APBB2: variants seen among roughly 807,000 people sequenced by gnomAD.
The protein encoded by APBB2 is amyloid beta precursor protein binding family B member 2.
A neutral mutation model predicts 82.5 loss-of-function variants in APBB2; 38 were observed. That is an observed-to-expected ratio of 0.46 (90% CI 0.36 to 0.60). APBB2 has a LOEUF of 0.60. Ranked by LOEUF, APBB2 falls within the 20% of genes least tolerant of loss-of-function variation. The pLI is 0.00. For missense variants in APBB2, 772 were observed against 972.3 expected, an observed-to-expected ratio of 0.79 and a Z score of 2.74; for synonymous variants, 341 against 368.2, an observed-to-expected ratio of 0.93 and a Z score of 0.85.
intron 1 of APBB2, among the ~76,000 whole-genome samples, chr4:41,193,280 A>G (rs866283404): frequency 6.6e-6 from 1 of 152,202 alleles, no homozygotes; most frequent in Non-Finnish European, 1.5e-5. Context: ...AAAAAGAACA[A>G]ATGTAACTGG....
chr4:41,124,406 G>C (rs1027216743), intron 2 of APBB2, among the ~76,000 whole-genome samples: 6 of 152,056 alleles, frequency 3.9e-5, no homozygotes, highest in Admixed American at 3.3e-4. Context: ...TTTTAGTAGA[G>C]ACCGTGTTAG....
chr4:40,977,785 T>G (rs890187543), intron 6 of APBB2, among the ~76,000 whole-genome samples: 3 of 152,166 alleles, frequency 2.0e-5, no homozygotes, highest in African/African-American at 7.2e-5. Context: ...GTGACAGATA[T>G]AAAAATGATC....
chr4:41,075,315 C>G (rs560065457), intron 3 of APBB2, among the ~76,000 whole-genome samples: 1 of 152,178 alleles, frequency 6.6e-6, no homozygotes, highest in African/African-American at 2.4e-5. Flanking sequence ...TTTAATAAAT[C>G]AGTTGTTATT....
At chr4:40,878,369 CA>C (rs773913318) in intron 12 of APBB2, among the ~76,000 whole-genome samples, 1 of 151,320 alleles carries the variant, frequency 6.6e-6, no homozygotes, top group Non-Finnish European at 1.5e-5. Flanking sequence ...CAAAACAAAA[CA>C]AAAAAAACAA....
intron 6 of APBB2, among the ~76,000 whole-genome samples, chr4:40,988,090 T>C (rs1043825774): frequency 1.3e-5 from 2 of 152,238 alleles, no homozygotes; most frequent in African/African-American, 4.8e-5. Flanking sequence ...ACTGTTCATA[T>C]GGTGAGAAAC....
At position 40,832,790 on chromosome 4, in the gene APBB2, G is replaced by A. The variant is rs368051072; in HGVS notation, c.1530-2213C>T. ...CAACACTCTGCAGCTCCATGAAGAC[G>A]ACTGTGCCTAACTCATCCCAGCGTC... On this transcript the variant is annotated intron_variant, in intron 12 of 17. Coordinates refer to ENST00000508593, the MANE Select transcript of APBB2 (RefSeq NM_004307.2). This position sits in a 1 kb window ranked among gnomAD's most constrained non-coding sequence, Gnocchi z 4.8. 3.3e-5 allele frequency among the ~76,000 whole-genome samples: 5 copies of A among 152,304 alleles called. No homozygotes were observed. Among genetic ancestry groups the A allele is most frequent in the South Asian group, 4.1e-4 (2 of 4,824 alleles).
At chr4:40,982,400 G>A (rs1177003589) in intron 6 of APBB2, among the ~76,000 whole-genome samples, 10 of 16,046 alleles carry the variant, frequency 6.2e-4, no homozygotes, top group Admixed American at 2.6e-3. Context: ...GGAAAGGAAA[G>A]GAAAGAAAGA....
At chr4:40,829,660 C>T (rs1289248503) in intron 13 of APBB2, among the ~76,000 whole-genome samples, 4 of 151,734 alleles carry the variant, frequency 2.6e-5, no homozygotes, top group Admixed American at 6.6e-5. Flanking sequence ...CAAGAGACTC[C>T]ATCTGTGGGA....
In APBB2 at chr4:40,812,747, A is replaced by C. The variant is rs989792248; in HGVS notation, c.*3345T>G. Reference sequence around the variant, plus strand: ...ACAAGTGTCCATCTTGAAATCATAAAGTGGATTTAAAAAGAAGTAGCAGTG... The same window carrying C: ...ACAAGTGTCCATCTTGAAATCATAACGTGGATTTAAAAAGAAGTAGCAGTG... On this transcript the variant is annotated 3_prime_UTR_variant, in exon 18 of 18. Coordinates refer to ENST00000508593, the MANE Select transcript of APBB2 (RefSeq NM_004307.2). 6.6e-6 allele frequency: 1 copy of C among 152,250 alleles called. No individual in the cohort carries two copies. The highest frequency in any genetic ancestry group is 2.4e-5 in the African/African-American group (1 of 41,456). The allele number at this position is 152,250 out of a possible 1,614,324, so 9.4% of individuals were successfully genotyped here.
chr4:40,868,870 A>G (rs1043684263), intron 12 of APBB2, among the ~76,000 whole-genome samples: 3 of 152,186 alleles, frequency 2.0e-5, no homozygotes, highest in African/African-American at 7.2e-5. Context: ...TTTCTTTCAC[A>G]TCAATGGTAG....
chr4:41,074,518 T>A (rs1490477220), intron 3 of APBB2, among the ~76,000 whole-genome samples: 1 of 152,074 alleles, frequency 6.6e-6, no homozygotes, highest in Non-Finnish European at 1.5e-5. Context: ...CTACATACTC[T>A]CAATCTATTG....
intron 5 of APBB2, among the ~76,000 whole-genome samples, chr4:41,015,927 T>TAA (rs151027102): frequency 4.6e-5 from 7 of 151,292 alleles, no homozygotes; most frequent in African/African-American, 1.2e-4. Flanking sequence ...ACAATTAAAT[T>TAA]AAAAAAAAAC....
At chr4:41,162,765 G>C (rs1765502765) in intron 1 of APBB2, among the ~76,000 whole-genome samples, 1 of 152,162 alleles carries the variant, frequency 6.6e-6, no homozygotes, top group Admixed American at 6.5e-5. Flanking sequence ...TGAGGTGGGA[G>C]GACGGCTTGC....
intron 15 of APBB2, among the ~76,000 whole-genome samples, chr4:40,824,539 G>A (rs939709350): frequency 2.0e-5 from 3 of 152,166 alleles, no homozygotes; most frequent in African/African-American, 7.2e-5. Context: ...CCAGGCTGGA[G>A]TGCAGTGGTA....
At chr4:41,041,351 T>C (rs1291974195) in intron 4 of APBB2, among the ~76,000 whole-genome samples, 1 of 152,256 alleles carries the variant, frequency 6.6e-6, no homozygotes, top group Non-Finnish European at 1.5e-5. Flanking sequence ...AATGCATGCA[T>C]AATGAAGAGT....
At chr4:40,941,106 C>T (rs572548080) in intron 7 of APBB2, among the ~76,000 whole-genome samples, 16 of 152,008 alleles carry the variant, frequency 1.1e-4, no homozygotes, top group African/African-American at 3.6e-4. Flanking sequence ...TTTTGTGAAG[C>T]CTAGTCAACA....
intron 1 of APBB2, among the ~76,000 whole-genome samples, chr4:41,156,172 G>GA (rs1763396683): frequency 1.3e-5 from 2 of 151,358 alleles, no homozygotes; most frequent in East Asian, 3.9e-4. Flanking sequence ...CCCTCTACTA[G>GA]AAAAAATGGG....
At chr4:41,130,931 C>T (rs1755790043) in intron 2 of APBB2, among the ~76,000 whole-genome samples, 1 of 152,156 alleles carries the variant, frequency 6.6e-6, no homozygotes, top group African/African-American at 2.4e-5. Flanking sequence ...TTATCTCAGC[C>T]CTTCAACTGC....
intron 3 of APBB2, among the ~76,000 whole-genome samples, chr4:41,073,960 G>A (rs1253274850): frequency 1.3e-5 from 2 of 152,068 alleles, no homozygotes; most frequent in African/African-American, 4.8e-5. Flanking sequence ...CAATTAAGCA[G>A]TCAATCAATA....
Sources: gnomAD v4.1 joint callset for allele counts (sites outside exome capture counted in the v4.1 genomes callset) on GRCh38, gnomAD v4.1.1 for gene constraint, Gnocchi (gnomAD v3.1) non-coding constraint, MANE v1.5 for transcripts, NCBI Gene and HGNC (gene_info 2026-07-23, HGNC 2026-07-21) for gene names.